Variants in PAN3 observed in about 807,000 individuals in gnomAD.
The protein encoded by PAN3 is PAN2-PAN3 deadenylation complex subunit PAN3.
Under a neutral mutation model 96.2 loss-of-function variants are expected in PAN3, and 19 were observed. The ratio of observed to expected loss-of-function variants is 0.20; its 90% CI spans 0.14 to 0.29. The LOEUF is 0.29. Ranked by LOEUF, PAN3 falls within the 10% of genes least tolerant of loss-of-function variation. PAN3 has a pLI of 1.00. For missense variants in PAN3, 882 were observed against 1,108.1 expected (o/e 0.80, Z 2.90); for synonymous variants, 433 against 406.6 (o/e 1.06, Z -0.78).
In PAN3 at chr13:28,281,320, T is replaced by C. The variant is rs2138721548; in HGVS notation, c.2325T>C (p.Val775=). ...DVIEEDLAKE[V]QNGRLFRLLA... ...CTTTTTAAAATGTTTTATAGGAGGT[T>C]CAAAATGGAAGACTGTTTAGGCTCC... Residue 775 remains valine, a synonymous_variant, in exon 17 of 19, where the codon GTT becomes GTC. Transcript: ENST00000380958. The C allele has an allele frequency of 6.2e-7, 1 of 1,611,424 alleles. No individual in the cohort carries two copies. Among genetic ancestry groups the C allele is most frequent in the South Asian group, 1.1e-5 (1 of 90,986 alleles).
intron 4 of PAN3, among the ~76,000 whole-genome samples, chr13:28,178,467 T>G (rs1875337207): frequency 6.6e-6 from 1 of 152,132 alleles, no homozygotes. Context: ...TTGAAGTATT[T>G]TATAAGGACT....
At chr13:28,274,602 G>GA (rs1056136213) in intron 14 of PAN3, among the ~76,000 whole-genome samples, 4 of 151,248 alleles carry the variant, frequency 2.6e-5, no homozygotes, top group Admixed American at 6.6e-5. Flanking sequence ...CTTTTCATAA[G>GA]AAAAAAATCC....
intron 9 of PAN3, among the ~76,000 whole-genome samples, chr13:28,264,286 C>G (rs940651446): frequency 6.6e-6 from 1 of 152,136 alleles, no homozygotes; most frequent in African/African-American, 2.4e-5. Flanking sequence ...CACCTGTAAT[C>G]CCAGCACTTT....
chr13:28,212,152 T>C (rs1233826243), intron 5 of PAN3, among the ~76,000 whole-genome samples: 1 of 152,204 alleles, frequency 6.6e-6, no homozygotes, highest in Non-Finnish European at 1.5e-5. Flanking sequence ...CAGTCAACAA[T>C]TCTCAGATCT....
Position 28,177,857 on chromosome 13 carries a change from C to A in PAN3, c.620-8C>A, listed in dbSNP as rs1251875769. The A allele has an allele frequency of 6.2e-7, 1 of 1,610,960 alleles. No homozygotes were observed. Among genetic ancestry groups the A allele is most frequent in the Non-Finnish European group, 8.5e-7 (1 of 1,177,572 alleles). On this transcript the variant is annotated splice_polypyrimidine_tract_variant and splice_region_variant and intron_variant, in intron 3 of 18. Transcript: ENST00000380958. The stretch of plus-strand genomic sequence containing the variant: ...TATGTGTGGAAACTTACGTAACTTA[C>A]CTTTCAGATCCTCTAACATCACCTG...
chr13:28,241,224 C>T (rs1401985159), intron 6 of PAN3, among the ~76,000 whole-genome samples: 3 of 151,980 alleles, frequency 2.0e-5, no homozygotes, highest in Non-Finnish European at 4.4e-5. Flanking sequence ...GTTGGCGCCA[C>T]TGCACTCCAG....
intron 4 of PAN3, among the ~76,000 whole-genome samples, chr13:28,184,409 C>T (rs866261044): frequency 8.5e-5 from 13 of 152,052 alleles, no homozygotes; most frequent in South Asian, 2.1e-4. Context: ...ATATAAATTA[C>T]ATAGGGCAAT....
chr13:28,219,670 C>T (rs1881182954), intron 5 of PAN3, among the ~76,000 whole-genome samples: 1 of 152,242 alleles, frequency 6.6e-6, no homozygotes, highest in African/African-American at 2.4e-5. Flanking sequence ...ACGCATGGTA[C>T]TGCATGGGCA....
intron 4 of PAN3, among the ~76,000 whole-genome samples, chr13:28,189,031 G>GA (rs1876861901): frequency 1.3e-5 from 2 of 152,130 alleles, no homozygotes; most frequent in South Asian, 4.1e-4. Context: ...ATCAAGGAAT[G>GA]AAAAAATATA....
chr13:28,199,068 A>G (rs1878401352), intron 5 of PAN3, among the ~76,000 whole-genome samples: 1 of 152,226 alleles, frequency 6.6e-6, no homozygotes, highest in Non-Finnish European at 1.5e-5. Context: ...GAATAACAGT[A>G]TAGTTTTTTT....
intron 1 of PAN3, among the ~76,000 whole-genome samples, chr13:28,162,410 T>C (rs7985371): frequency 0.17 from 25,158 of 152,010 alleles, 3,926 homozygotes; most frequent in African/African-American, 0.42. Context: ...ATCAGCCGGG[T>C]GCCGTGGCTC....
At chr13:28,154,351 C>T (rs989846201) in intron 1 of PAN3, among the ~76,000 whole-genome samples, 1 of 151,918 alleles carries the variant, frequency 6.6e-6, no homozygotes, top group Non-Finnish European at 1.5e-5. Context: ...CGTTAAGCCA[C>T]TTGATTCATC....
chr13:28,175,142 G>A (rs999892849), intron 2 of PAN3, among the ~76,000 whole-genome samples: 3 of 152,084 alleles, frequency 2.0e-5, no homozygotes, highest in Non-Finnish European at 2.9e-5. Flanking sequence ...AATAGTAAAG[G>A]CAATGTATTG....
At chr13:28,238,000 T>TTG (rs1353978171) in intron 6 of PAN3, among the ~76,000 whole-genome samples, 1 of 152,218 alleles carries the variant, frequency 6.6e-6, no homozygotes, top group Non-Finnish European at 1.5e-5. Flanking sequence ...TGACCTGCAT[T>TTG]TGTGTGTTTT....
intron 1 of PAN3, among the ~76,000 whole-genome samples, chr13:28,148,365 G>A (rs1290853763): frequency 2.6e-5 from 4 of 151,954 alleles, no homozygotes; most frequent in Admixed American, 1.3e-4. Flanking sequence ...TCGCTGCAGC[G>A]TTGAACTCCT....
chr13:28,138,937 C>G lies in PAN3; in HGVS notation c.280C>G (p.Pro94Ala). The G allele has an allele frequency of 7.5e-7, 1 of 1,338,644 alleles. No homozygotes were observed. Among genetic ancestry groups the G allele is most frequent in the African/African-American group, 1.5e-5 (1 of 66,006 alleles). The allele number at this position is 1,338,644 out of a possible 1,614,324, so 82.9% of individuals were successfully genotyped here. A position where few individuals can be genotyped will look rare whatever the true frequency, so the allele number is the denominator to read the frequency against. Reference sequence around the variant, plus strand: ...CGTCCCCCTGGCTCTGGCTGGTGCACCCGTGGCCGGCTTTCCGCCGGGAGC... The same window carrying G: ...CGTCCCCCTGGCTCTGGCTGGTGCAGCCGTGGCCGGCTTTCCGCCGGGAGC... ...NSVPLALAGA[P>A]VAGFPPGAVA... The change falls in exon 1 of 19, where the codon CCC becomes GCC. Residue 94 changes from proline (P) to alanine (A), a missense_variant. Coordinates refer to ENST00000380958, the MANE Select transcript of PAN3 (RefSeq NM_175854.8).
At chr13:28,250,240 G>T (rs1949621977) in intron 6 of PAN3, among the ~76,000 whole-genome samples, 1 of 151,274 alleles carries the variant, frequency 6.6e-6, no homozygotes, top group Non-Finnish European at 1.5e-5. Flanking sequence ...TGTCACCCAG[G>T]CCTGAGTGCA....
chr13:28,280,888 C>A (rs1240553264), intron 16 of PAN3, among the ~76,000 whole-genome samples: 3 of 152,154 alleles, frequency 2.0e-5, no homozygotes, highest in Non-Finnish European at 4.4e-5. Context: ...AAAGAATGTA[C>A]ACACAACTTG....
chr13:28,202,362 A>G (rs1334378595), intron 5 of PAN3, among the ~76,000 whole-genome samples: 2 of 152,118 alleles, frequency 1.3e-5, no homozygotes, highest in Non-Finnish European at 2.9e-5. Flanking sequence ...TTTTATAAAT[A>G]GTGAGATTGT....
Sources: gnomAD v4.1 joint callset for allele counts (sites outside exome capture counted in the v4.1 genomes callset) on GRCh38, gnomAD v4.1.1 for gene constraint, MANE v1.5 for transcripts, NCBI Gene and HGNC (gene_info 2026-07-23, HGNC 2026-07-21) for gene names.